Variants in ACTR3C observed in about 807,000 individuals in gnomAD.
ACTR3C encodes the protein actin related protein 3C, also known as actin-related protein 3C.
Under a neutral mutation model 26.3 loss-of-function variants are expected in ACTR3C, and 18 were observed. That is an observed-to-expected ratio of 0.68 (90% confidence interval 0.47 to 1.01). The LOEUF is 1.01. Among genes scored for constraint, ACTR3C ranks in the 50% least tolerant of loss-of-function variants. ACTR3C has a pLI of 0.00. For missense variants in ACTR3C, 184 were observed against 250.7 expected, an observed-to-expected ratio of 0.73 and a Z score of 1.80; for synonymous variants, 55 against 94.5, an observed-to-expected ratio of 0.58 and a Z score of 2.42.
the ACTR3C span, among the ~76,000 whole-genome samples, chr7:149,899,602 T>TATAAAAA: frequency 8.4e-6 from 1 of 118,604 alleles, no homozygotes; most frequent in Non-Finnish European, 1.8e-5. Context: ...CTGGAAGAAG[T>TATAAAAA]AAAAAAAAAA....
chr7:150,023,314 G>C, the ACTR3C span, among the ~76,000 whole-genome samples: 62,168 of 64,030 alleles, frequency 0.97, 30,262 homozygotes, highest in Non-Finnish European at 1. Context: ...TAGATAGATA[G>C]ATACATACAT....
chr7:149,966,595 C>T, the ACTR3C span, among the ~76,000 whole-genome samples: 5 of 152,158 alleles, frequency 3.3e-5, no homozygotes, highest in Admixed American at 3.3e-4. Context: ...TTAAAAGAAA[C>T]ACTCCAGATC....
intron 6 of ACTR3C, among the ~76,000 whole-genome samples, chr7:150,256,661 C>T (rs1245449900): frequency 6.6e-6 from 1 of 152,130 alleles, no homozygotes; most frequent in African/African-American, 2.4e-5. Context: ...GTCTACTATG[C>T]TCACTACCCG....
the ACTR3C span, among the ~76,000 whole-genome samples, chr7:149,885,087 T>C: frequency 6.6e-6 from 1 of 152,132 alleles, no homozygotes; most frequent in South Asian, 2.1e-4. Flanking sequence ...CGCCTCCCTT[T>C]ACCCACCAGA....
the ACTR3C span, among the ~76,000 whole-genome samples, chr7:150,070,706 C>T: frequency 6.6e-6 from 1 of 152,208 alleles, no homozygotes; most frequent in Non-Finnish European, 1.5e-5. Context: ...CCCCCTCAGC[C>T]TCCCAAAGTG....
At chr7:150,254,509 T>C (rs562823321) in intron 6 of ACTR3C, among the ~76,000 whole-genome samples, 8 of 152,240 alleles carry the variant, frequency 5.3e-5, no homozygotes, top group African/African-American at 1.7e-4. Context: ...AAATAAAGGA[T>C]CAGGCCTCCC....
chr7:150,125,256 A>ATTTT, the ACTR3C span, among the ~76,000 whole-genome samples: 3 of 143,022 alleles, frequency 2.1e-5, no homozygotes, highest in Non-Finnish European at 3.1e-5. Context: ...TCATTGCAGT[A>ATTTT]TTTTTTTTTT....
the ACTR3C span, among the ~76,000 whole-genome samples, chr7:150,179,418 G>GAAA: frequency 4.1e-3 from 488 of 117,988 alleles, 3 homozygotes; most frequent in Non-Finnish European, 5.8e-3. Context: ...GACACAACAG[G>GAAA]AAAAAAAAAA....
the ACTR3C span, among the ~76,000 whole-genome samples, chr7:149,926,006 T>C: frequency 6.6e-6 from 1 of 152,074 alleles, no homozygotes; most frequent in Admixed American, 6.6e-5. Flanking sequence ...GAGGTTGCAC[T>C]GAGTGGAGAC....
the ACTR3C span, among the ~76,000 whole-genome samples, chr7:150,191,479 T>C: frequency 1.3e-5 from 2 of 152,252 alleles, no homozygotes; most frequent in African/African-American, 4.8e-5. Context: ...TATGCTATTT[T>C]GAATGGTAAT....
Position 150,258,016 on chromosome 7 carries a change from G to A in ACTR3C, c.565-8962C>T, listed in dbSNP as rs573486734. 3.3e-4 allele frequency among the ~76,000 whole-genome samples: 50 copies of A among 152,300 alleles called. No homozygotes were observed. The South Asian group carries it at 5.6e-3, about 17-fold the overall frequency. On this transcript the variant is annotated intron_variant, in intron 6 of 7. Coordinates refer to ENST00000683684, the MANE Select transcript of ACTR3C (RefSeq NM_001164458.2). ...AGGAGGTTAGAGGTGCGACCAAGGG[G>A]GTGTGGCCCACAGGGACTTGAGGAG...
the ACTR3C span, among the ~76,000 whole-genome samples, chr7:150,107,923 C>A: frequency 6.6e-6 from 1 of 151,928 alleles, no homozygotes; most frequent in Admixed American, 6.6e-5. Context: ...AGAGCAAGTA[C>A]CCCATTTGGT....
chr7:150,286,662 T>A (rs2262233), intron 4 of ACTR3C, 122 bp from the exon 5 acceptor site: 144,139 of 1,308,232 alleles, frequency 0.11, 11,780 homozygotes, highest in African/African-American at 0.32. Flanking sequence ...CCCCCACCGT[T>A]ACTCTAGTGT....
At chr7:150,179,688 G>A in the ACTR3C span, among the ~76,000 whole-genome samples, 6 of 151,584 alleles carry the variant, frequency 4.0e-5, no homozygotes, top group African/African-American at 7.3e-5. Flanking sequence ...CAGGGGTCTC[G>A]CTATGTTGCC....
chr7:150,095,884 C>T, the ACTR3C span, among the ~76,000 whole-genome samples: 1 of 150,304 alleles, frequency 6.7e-6, no homozygotes, highest in Admixed American at 6.6e-5. Flanking sequence ...AAACAAAATT[C>T]TCCATATAAA....
At chr7:149,896,524 G>C in the ACTR3C span, among the ~76,000 whole-genome samples, 1 of 151,950 alleles carries the variant, frequency 6.6e-6, no homozygotes, top group Non-Finnish European at 1.5e-5. Flanking sequence ...TGTGACTGGC[G>C]GAACTGAACA....
the ACTR3C span, among the ~76,000 whole-genome samples, chr7:150,094,555 G>A: frequency 6.6e-6 from 1 of 150,544 alleles, no homozygotes; most frequent in Non-Finnish European, 1.5e-5. Context: ...AACTGTACCT[G>A]TCAGCACCCC....
chr7:150,058,635 G>A, the ACTR3C span, among the ~76,000 whole-genome samples: 2 of 152,148 alleles, frequency 1.3e-5, no homozygotes, highest in Non-Finnish European at 2.9e-5. Flanking sequence ...TATGAGAAGA[G>A]GCCAGGCGCC....
chr7:150,006,206 A>T, the ACTR3C span, among the ~76,000 whole-genome samples: 2 of 151,220 alleles, frequency 1.3e-5, no homozygotes, highest in East Asian at 1.9e-4. Context: ...TTATTTATTT[A>T]TTTATTTTGA....
Sources: allele counts gnomAD v4.1 joint callset (sites outside exome capture counted in the v4.1 genomes callset), GRCh38; gene constraint gnomAD v4.1.1; transcripts MANE v1.5; gene names NCBI Gene and HGNC (gene_info 2026-07-23, HGNC 2026-07-21).